The following PTPRG variants were observed in gnomAD, a reference collection of about 807,000 sequenced individuals.
PTPRG encodes the protein protein tyrosine phosphatase receptor type G.
In PTPRG, 102 loss-of-function variants were observed where a neutral mutation model predicts 165.3. That is an observed-to-expected ratio of 0.62 (90% CI 0.53 to 0.73). The LOEUF is 0.73. PTPRG is among the 30% of genes least tolerant of loss of function. PTPRG has a pLI of 0.00. For synonymous variants in PTPRG, 675 were observed against 669.5 expected (o/e 1.01, Z -0.13); for missense variants, 1,866 against 1,861.4 (o/e 1.00, Z -0.05).
chr3:61,603,336 TAGTG>T (rs1700916690), intron 1 of PTPRG, among the ~76,000 whole-genome samples: 1 of 152,204 alleles, frequency 6.6e-6, no homozygotes, highest in Admixed American at 6.5e-5. Context: ...GTCTATGCCA[TAGTG>T]AGTTCCTATG....
chr3:61,729,841 A>G (rs2032421178), intron 1 of PTPRG, among the ~76,000 whole-genome samples: 2 of 152,092 alleles, frequency 1.3e-5, no homozygotes, highest in East Asian at 1.9e-4. Flanking sequence ...ACTTTGCCTA[A>G]TGTGCTTCTA....
intron 4 of PTPRG, among the ~76,000 whole-genome samples, chr3:62,063,276 C>T (rs954097524): frequency 6.6e-6 from 1 of 152,134 alleles, no homozygotes; most frequent in African/African-American, 2.4e-5. Context: ...ATCATCAAGC[C>T]AAGGATTTTG....
chr3:62,062,361 GTACATT>G, intron 4 of PTPRG, among the ~76,000 whole-genome samples: 2 of 152,108 alleles, frequency 1.3e-5, no homozygotes, highest in Non-Finnish European at 2.9e-5. Context: ...GATAAAGCAG[GTACATT>G]TAAATGTTAA....
intron 3 of PTPRG, among the ~76,000 whole-genome samples, chr3:62,000,678 A>G (rs996910652): frequency 6.6e-5 from 10 of 152,186 alleles, no homozygotes; most frequent in Admixed American, 5.2e-4. Flanking sequence ...CGCTCTTCCT[A>G]TTGTCCCTGC....
chr3:61,836,980 G>A, intron 2 of PTPRG, among the ~76,000 whole-genome samples: 1 of 151,826 alleles, frequency 6.6e-6, no homozygotes, highest in East Asian at 1.9e-4. Flanking sequence ...GCACAATCTC[G>A]GCTTACTGCA....
chr3:62,199,909 T>C (rs1280518794), intron 10 of PTPRG, among the ~76,000 whole-genome samples: 2 of 152,210 alleles, frequency 1.3e-5, no homozygotes, highest in Admixed American at 1.3e-4. Context: ...CAATGGAATA[T>C]TATTCACCCT....
At chr3:61,656,288 T>TGC (rs1162614749) in intron 1 of PTPRG, among the ~76,000 whole-genome samples, 1 of 152,172 alleles carries the variant, frequency 6.6e-6, no homozygotes, top group African/African-American at 2.4e-5. Flanking sequence ...TCTGAGTGTG[T>TGC]GAGCATCCCT....
chr3:62,267,900 ACTTGACAAGGT>A (rs1701935434), intron 19 of PTPRG, 81 bp downstream of exon 19: 16 of 1,484,998 alleles, frequency 1.1e-5, no homozygotes, highest in Non-Finnish European at 1.5e-5. Context: ...TAGGGTAGGA[ACTTGACAAGGT>A]ATAAAGAGTT....
intron 15 of PTPRG, among the ~76,000 whole-genome samples, chr3:62,251,443 G>A (rs1406429567): frequency 6.6e-6 from 1 of 152,130 alleles, no homozygotes; most frequent in Non-Finnish European, 1.5e-5. Context: ...GAGGCTAGGA[G>A]TTCAAGACCA....
At chr3:61,903,388 T>G (rs1428340256) in intron 2 of PTPRG, among the ~76,000 whole-genome samples, 1 of 152,136 alleles carries the variant, frequency 6.6e-6, no homozygotes, top group Admixed American at 6.5e-5. Context: ...TATTTTTAGT[T>G]TTTGAGACGG....
chr3:62,214,389 C>T lies in PTPRG; in HGVS notation c.2156-4462C>T, dbSNP rs748457156. On this transcript the variant is annotated intron_variant, in intron 12 of 29. Coordinates refer to ENST00000474889, the MANE Select transcript of PTPRG (RefSeq NM_002841.4). The surrounding 1 kb of genome is among the most constrained non-coding windows in gnomAD (Gnocchi z 5.2). ...TAGTTAACATTAACCAGGTGCCAGG[C>T]AACATTCTAAGTGTTTTGTATGCAT... is the stretch of plus-strand genomic sequence containing the variant. 6.6e-6 allele frequency among the ~76,000 whole-genome samples: 1 copy of T among 152,186 alleles called. No homozygotes were observed. The highest frequency in any genetic ancestry group is 1.5e-5 in the Non-Finnish European group (1 of 68,028).
intron 1 of PTPRG, among the ~76,000 whole-genome samples, chr3:61,672,814 A>AGAGAGGGG (rs1703079819): frequency 1.4e-5 from 2 of 145,404 alleles, no homozygotes; most frequent in African/African-American, 5.3e-5. Context: ...AGAGAGAGGG[A>AGAGAGGGG]GAGAGAGAGG....
chr3:61,772,008 C>T (rs922891733), intron 2 of PTPRG, among the ~76,000 whole-genome samples: 7 of 141,952 alleles, frequency 4.9e-5, no homozygotes, highest in Non-Finnish European at 3.0e-5. Flanking sequence ...TGCAGTGAGC[C>T]GAGACGATGC....
chr3:61,600,539 T>TTTTTTG (rs1456762829), intron 1 of PTPRG, among the ~76,000 whole-genome samples: 37 of 152,144 alleles, frequency 2.4e-4, no homozygotes, highest in African/African-American at 2.4e-5. Context: ...GGTTCTTTTG[T>TTTTTTG]TTTTTGTTTT....
At chr3:61,699,441 C>T (rs2030825107) in intron 1 of PTPRG, among the ~76,000 whole-genome samples, 2 of 152,178 alleles carry the variant, frequency 1.3e-5, no homozygotes, top group South Asian at 4.1e-4. Context: ...TGGGGACCCA[C>T]AGGGGTCTTT....
At chr3:62,096,522 G>A (rs1702125974) in intron 5 of PTPRG, among the ~76,000 whole-genome samples, 1 of 152,114 alleles carries the variant, frequency 6.6e-6, no homozygotes, top group Admixed American at 6.6e-5. Context: ...GCTGGACAAG[G>A]GCATGATTAT....
chr3:62,016,496 C>T (rs1261404619), intron 4 of PTPRG, among the ~76,000 whole-genome samples: 1 of 152,076 alleles, frequency 6.6e-6, no homozygotes, highest in Non-Finnish European at 1.5e-5. Context: ...ACTCAGTAGT[C>T]TTCTTGTCAC....
At chr3:62,194,687 C>T (rs1403798491) in intron 9 of PTPRG, among the ~76,000 whole-genome samples, 1 of 152,116 alleles carries the variant, frequency 6.6e-6, no homozygotes, top group African/African-American at 2.4e-5. Context: ...CCTGTAATCC[C>T]AGCTACTCGG....
At chr3:61,977,838 T>C (rs1170590337) in intron 2 of PTPRG, among the ~76,000 whole-genome samples, 2 of 152,224 alleles carry the variant, frequency 1.3e-5, no homozygotes, top group Non-Finnish European at 2.9e-5. Flanking sequence ...CCACTTATTT[T>C]CTCATATTAG....
Sources: allele counts gnomAD v4.1 joint callset (sites outside exome capture counted in the v4.1 genomes callset), GRCh38; gene constraint gnomAD v4.1.1; non-coding constraint Gnocchi (gnomAD v3.1); transcripts MANE v1.5; gene names NCBI Gene and HGNC (gene_info 2026-07-23, HGNC 2026-07-21).